Variants in RRBP1 observed in about 807,000 individuals in gnomAD.
RRBP1 encodes the protein ribosome-binding protein 1.
A neutral mutation model predicts 165.2 loss-of-function variants in RRBP1; 94 were observed. The observed-to-expected ratio is 0.57, with a 90% CI of 0.48 to 0.68. RRBP1 has a LOEUF of 0.68. Ranked by LOEUF, RRBP1 falls within the 30% of genes least tolerant of loss-of-function variation. RRBP1 has a pLI of 0.00. For synonymous variants in RRBP1, 680 were observed against 714.5 expected, an observed-to-expected ratio of 0.95 and a Z score of 0.77; for missense variants, 1,676 against 1,763.0, an observed-to-expected ratio of 0.95 and a Z score of 0.88.
At chr20:17,618,953 T>A in intron 19 of RRBP1, 1 of 442,626 alleles carries the variant, frequency 2.3e-6, no homozygotes, top group Non-Finnish European at 4.2e-6. Flanking sequence ...GGCCAAAAGT[T>A]GGAGATGATT....
intron 2 of RRBP1, among the ~76,000 whole-genome samples, chr20:17,671,848 T>G (rs2036984992): frequency 6.6e-6 from 1 of 152,204 alleles, no homozygotes; most frequent in South Asian, 2.1e-4. Context: ...TTTAATGTCA[T>G]TTACCTCTTG....
Position 17,658,766 on chromosome 20 carries a change from T to A in RRBP1, c.1742A>T (p.Glu581Val). 2.5e-6 allele frequency: 4 copies of A among 1,613,894 alleles called. No homozygotes were observed. The highest frequency in any genetic ancestry group is 1.1e-5 in the South Asian group (1 of 91,074). ...CTTTTTGCCTTGGTTGGGGGACCCT[T>A]CTGCCTTTTTGCCTTCACTGGGGGA... is the stretch of plus-strand genomic sequence containing the variant. ...EGSPSEGKKA[E>V]GSPNQGKKAD... is the part of the protein sequence containing the mutation. Residue 581 changes from glutamate (E) to valine (V), a missense_variant, in exon 3 of 25, where the codon GAA becomes GTA. Physicochemically the swap from Glu to Val is moderately radical, Grantham distance 121 (BLOSUM62 -2). Coordinates refer to ENST00000377813, the MANE Select transcript of RRBP1 (RefSeq NM_001365613.2).
At chr20:17,636,105 G>A (rs2036243246) in intron 6 of RRBP1, among the ~76,000 whole-genome samples, 1 of 152,268 alleles carries the variant, frequency 6.6e-6, no homozygotes, top group Non-Finnish European at 1.5e-5. Context: ...TATGAGCAGG[G>A]TGCAGGCTTC....
At chr20:17,630,754 G>A (rs911351) in intron 8 of RRBP1, among the ~76,000 whole-genome samples, 96,975 of 152,160 alleles carry the variant, frequency 0.64, 34,906 homozygotes, top group East Asian at 0.87. Context: ...CAAAAAGCCC[G>A]ACCACTGATT....
At position 17,618,620 on chromosome 20, in the gene RRBP1, C is replaced by G; in HGVS notation, c.3735G>C (p.Gln1245His). 1 of 1,614,048 alleles carries G rather than the reference C, an allele frequency of 6.2e-7. No individual in the cohort carries two copies. The highest frequency in any genetic ancestry group is 8.5e-7 in the Non-Finnish European group (1 of 1,180,032). ...CCAGGGCAAGCTCATCGCTCTGTTT[C>G]TGGGCTTCGCTCTTGGCGGCATCGA... ...SQLDAAKSEA[Q>H]KQSDELALVR... Residue 1245 changes from glutamine to histidine, a missense_variant, in exon 20 of 25, where the codon CAG becomes CAC. Around this residue, in one of 5 missense-constraint regions of RRBP1, gnomAD observed 1,184 missense variants for 1,167.1 expected, o/e 1.01. Coordinates refer to ENST00000377813, the MANE Select transcript of RRBP1 (RefSeq NM_001365613.2).
chr20:17,614,721 G>T lies in RRBP1; in HGVS notation c.4194+16C>A. The T allele has an allele frequency of 6.2e-7, 1 of 1,609,698 alleles. No homozygotes were observed. ...AGCTCGACTCCTCCCGCCCTGCTTT[G>T]GCGCCAGGCACGCACTGCCTTTTCC... is the stretch of plus-strand genomic sequence containing the variant. On this transcript the variant is annotated intron_variant, in intron 24 of 24. Transcript: ENST00000377813.
rs34537635 is a variant in RRBP1, at chr20:17,641,850, T to C, written c.2131A>G (p.Thr711Ala). Reference protein sequence around the residue: ...QLEEKEKLLATEQEDAAVAKS... With the variant: ...QLEEKEKLLAAEQEDAAVAKS... ...GCGACAGCCGCATCTTCCTGTTCTG[T>C]GGCCAGCAGTTTTTCCTTCTCTTCC... Residue 711 changes from threonine to alanine, a missense_variant, in exon 5 of 25, where the codon ACA (threonine) becomes GCA (alanine). Transcript: ENST00000377813. 2,825 of 1,614,066 alleles carry C rather than the reference T, an allele frequency of 1.8e-3. 24 individuals carry two copies. The African/African-American group carries it at 0.021, about 12-fold the overall frequency.
chr20:17,648,653 G>A (rs1291314791), intron 3 of RRBP1, among the ~76,000 whole-genome samples: 1 of 152,180 alleles, frequency 6.6e-6, no homozygotes, highest in Non-Finnish European at 1.5e-5. Flanking sequence ...CTTGGGGACT[G>A]GTATATTTAA....
chr20:17,681,565 C>G (rs1461979251), intron 1 of RRBP1, among the ~76,000 whole-genome samples: 1 of 131,858 alleles, frequency 7.6e-6, no homozygotes, highest in Non-Finnish European at 1.6e-5. Context: ...ACCCCTCCGG[C>G]CCGGACTCCA....
At chr20:17,673,495 G>A (rs535443551) in intron 2 of RRBP1, among the ~76,000 whole-genome samples, 2 of 152,086 alleles carry the variant, frequency 1.3e-5, no homozygotes, top group African/African-American at 2.4e-5. Flanking sequence ...TGCAACCTCC[G>A]CCTCCCGGGT....
chr20:17,655,780 A>C (rs539845162), intron 3 of RRBP1, among the ~76,000 whole-genome samples: 1 of 152,390 alleles, frequency 6.6e-6, no homozygotes, highest in Non-Finnish European at 1.5e-5. Context: ...AGCATTTAAA[A>C]ATATACATTA....
intron 3 of RRBP1, among the ~76,000 whole-genome samples, chr20:17,652,451 T>C (rs1470869531): frequency 1.3e-5 from 2 of 152,172 alleles, no homozygotes. Flanking sequence ...CCTGGACTCA[T>C]GGGAGGAGTT....
At chr20:17,681,709 C>CGGGA (rs1385787761) in intron 1 of RRBP1, among the ~76,000 whole-genome samples, 2 of 150,374 alleles carry the variant, frequency 1.3e-5, no homozygotes, top group Admixed American at 6.6e-5. Flanking sequence ...ACGGCCCTGC[C>CGGGA]GGGAGGGAGG....
chr20:17,629,969 C>G lies in RRBP1; in HGVS notation c.2611-8G>C. 6.3e-7 allele frequency: 1 copy of G among 1,591,818 alleles called. No individual in the cohort carries two copies. The highest frequency in any genetic ancestry group is 8.5e-7 in the Non-Finnish European group (1 of 1,173,990). Reference sequence around the variant, plus strand: ...ACTCTCCCTGTGGGACGCCTGGGGACGGGCAGGGGAGTGGGGCAGTGAAGA... The same window carrying G: ...ACTCTCCCTGTGGGACGCCTGGGGAGGGGCAGGGGAGTGGGGCAGTGAAGA... On this transcript the variant is annotated splice_polypyrimidine_tract_variant and splice_region_variant and intron_variant, in intron 8 of 24. Transcript: ENST00000377813.
intron 12 of RRBP1, 80 bp downstream of exon 12, chr20:17,625,432 G>T: frequency 1.6e-6 from 2 of 1,235,786 alleles, no homozygotes; most frequent in Non-Finnish European, 2.4e-6. Context: ...TCCAGGGCGG[G>T]TGCCACATAG....
rs566190212 is a variant in RRBP1 at position 17,643,570 on chromosome 20, G to A, written c.1913-443C>T. Among the ~76,000 whole-genome samples the A allele has an allele frequency of 3.3e-5, 5 of 152,196 alleles. No homozygotes were observed. Among genetic ancestry groups the A allele is most frequent in the African/African-American group, 1.2e-4 (5 of 41,516 alleles). ...TGAGCCCCGTGGCCTTGTGGGACCTGACTGGGCAGCGAATTTACCGTCCAC... is the reference window on the plus strand; with the variant it reads ...TGAGCCCCGTGGCCTTGTGGGACCTAACTGGGCAGCGAATTTACCGTCCAC... On this transcript the variant is annotated intron_variant, in intron 3 of 24. Coordinates refer to ENST00000377813, the MANE Select transcript of RRBP1 (RefSeq NM_001365613.2). The surrounding 1 kb of genome is among the most constrained non-coding windows in gnomAD (Gnocchi z 4.3).
chr20:17,663,711 C>T (rs888578751), intron 2 of RRBP1, among the ~76,000 whole-genome samples: 1 of 152,126 alleles, frequency 6.6e-6, no homozygotes, highest in African/African-American at 2.4e-5. Context: ...AATGATGAAG[C>T]CAGGGATGCC....
intron 2 of RRBP1, among the ~76,000 whole-genome samples, chr20:17,670,200 G>A (rs1373302625): frequency 1.3e-5 from 2 of 152,156 alleles, no homozygotes; most frequent in Non-Finnish European, 2.9e-5. Context: ...ACCCGTAGGT[G>A]TGGAAGGTGA....
In RRBP1 at chr20:17,625,618, G is replaced by A. The variant is rs375010139; in HGVS notation, c.2964-16C>T. On this transcript the variant is annotated splice_polypyrimidine_tract_variant and intron_variant, in intron 11 of 24. Coordinates refer to ENST00000377813, the MANE Select transcript of RRBP1 (RefSeq NM_001365613.2). ...CTCCTTGAGGCTGAAGGGACACAAC[G>A]AGGTCACCGCCTAGGCTCCAAGGGG... 4.3e-5 allele frequency: 69 copies of A among 1,609,306 alleles called. No individual in the cohort carries two copies. The highest frequency in any genetic ancestry group is 5.5e-5 in the Non-Finnish European group (65 of 1,175,972).
Sources: allele counts gnomAD v4.1 joint callset (sites outside exome capture counted in the v4.1 genomes callset), GRCh38; gene constraint gnomAD v4.1.1; regional missense constraint gnomAD v4.1.1; non-coding constraint Gnocchi (gnomAD v3.1); transcripts MANE v1.5; gene names NCBI Gene and HGNC (gene_info 2026-07-23, HGNC 2026-07-21).